CSMD1: variants seen among roughly 807,000 people sequenced by gnomAD.
CSMD1 encodes CUB and Sushi multiple domains 1.
A neutral mutation model predicts 417.5 loss-of-function variants in CSMD1; 213 were observed. That is an observed-to-expected ratio of 0.51 (90% CI 0.46 to 0.57). CSMD1 has a LOEUF of 0.57. CSMD1 is among the 20% of genes least tolerant of loss of function. The pLI, the probability that CSMD1 is intolerant of heterozygous loss-of-function variation, is 0.00. For missense variants in CSMD1, 6,923 were observed against 4,529.7 expected (o/e 1.53, Z -15.17); for synonymous variants, 2,862 against 1,736.8 (o/e 1.65, Z -16.11).
intron 11 of CSMD1, among the ~76,000 whole-genome samples, chr8:3,479,872 C>A (rs533434302): frequency 9.4e-4 from 142 of 151,218 alleles, no homozygotes; most frequent in African/African-American, 3.1e-3. Flanking sequence ...TGAAAAAAAA[C>A]GATAAATCTA....
At position 4,294,533 on chromosome 8, in the gene CSMD1, G is replaced by A. The variant is rs549805472; in HGVS notation, c.415+125420C>T. 1.2e-3 allele frequency among the ~76,000 whole-genome samples: 190 copies of A among 152,236 alleles called. 1 individual carries two copies. Among genetic ancestry groups the A allele is most frequent in the South Asian group, 2.7e-3 (13 of 4,828 alleles). Reference sequence around the variant, plus strand: ...ATGAGTTCCTCCACTTTGCAGATGAGCAAACACAAATCACTTGTCCATGGT... The same window carrying A: ...ATGAGTTCCTCCACTTTGCAGATGAACAAACACAAATCACTTGTCCATGGT... On this transcript the variant is annotated intron_variant, in intron 3 of 69. Transcript: ENST00000635120.
At chr8:2,959,299 C>T (rs992280141) in intron 62 of CSMD1, among the ~76,000 whole-genome samples, 2 of 148,382 alleles carry the variant, frequency 1.3e-5, no homozygotes, top group Admixed American at 6.6e-5. Flanking sequence ...GAAATAGGGT[C>T]TTGCTATGTT....
chr8:3,564,357 A>G (rs1221453923), intron 10 of CSMD1, among the ~76,000 whole-genome samples: 2 of 152,186 alleles, frequency 1.3e-5, no homozygotes, highest in Non-Finnish European at 2.9e-5. Flanking sequence ...GTGTCCATAA[A>G]TAACTCCTAC....
At chr8:4,001,201 T>C (rs1815644758) in intron 4 of CSMD1, among the ~76,000 whole-genome samples, 1 of 152,184 alleles carries the variant, frequency 6.6e-6, no homozygotes, top group African/African-American at 2.4e-5. Flanking sequence ...GTGTATAGAA[T>C]AAGAAGCTTA....
chr8:4,846,941 G>A (rs1801180644), intron 1 of CSMD1, among the ~76,000 whole-genome samples: 1 of 151,772 alleles, frequency 6.6e-6, no homozygotes, highest in Non-Finnish European at 1.5e-5. Flanking sequence ...CTATTCATTG[G>A]GAGAAAAAGA....
chr8:3,112,338 T>G (rs1816568288), intron 42 of CSMD1, among the ~76,000 whole-genome samples: 1 of 152,192 alleles, frequency 6.6e-6, no homozygotes, highest in South Asian at 2.1e-4. Context: ...GCATTTCTGC[T>G]TTTCTAGTTG....
intron 1 of CSMD1, among the ~76,000 whole-genome samples, chr8:4,791,764 G>C (rs76765036): frequency 2.6e-5 from 4 of 152,102 alleles, no homozygotes; most frequent in African/African-American, 4.8e-5. Flanking sequence ...CATTAGCATC[G>C]TGTGCTAAAC....
intron 49 of CSMD1, among the ~76,000 whole-genome samples, chr8:3,077,246 A>G (rs1563313180): frequency 6.6e-6 from 1 of 152,206 alleles, no homozygotes; most frequent in African/African-American, 2.4e-5. Context: ...AGCTGCACAA[A>G]TAGGAAATCA....
chr8:4,016,465 C>G (rs1392674358), intron 4 of CSMD1, among the ~76,000 whole-genome samples: 1 of 152,124 alleles, frequency 6.6e-6, no homozygotes, highest in African/African-American at 2.4e-5. Context: ...GGTCTCAGGC[C>G]TCTGCCCAAG....
chr8:4,795,028 G>A (rs374650645), intron 1 of CSMD1, among the ~76,000 whole-genome samples: 2 of 151,880 alleles, frequency 1.3e-5, no homozygotes, highest in African/African-American at 4.8e-5. Flanking sequence ...AGAAAGATGT[G>A]GGGGGTGGGT....
At chr8:4,089,407 G>T (rs940523748) in intron 3 of CSMD1, among the ~76,000 whole-genome samples, 2 of 152,024 alleles carry the variant, frequency 1.3e-5, no homozygotes, top group African/African-American at 4.8e-5. Context: ...TTAGTAAATG[G>T]TACATGGTTA....
intron 46 of CSMD1, among the ~76,000 whole-genome samples, chr8:3,099,910 G>T (rs1389973721): frequency 6.6e-6 from 1 of 152,094 alleles, no homozygotes. Context: ...TAGAGAATTT[G>T]TACCATTTTT....
chr8:3,839,352 T>C (rs1197975168), intron 5 of CSMD1, among the ~76,000 whole-genome samples: 2 of 120,176 alleles, frequency 1.7e-5, no homozygotes, highest in Admixed American at 1.1e-4. Flanking sequence ...TTAGAATATA[T>C]AATATTAATA....
intron 8 of CSMD1, among the ~76,000 whole-genome samples, chr8:3,615,977 T>A (rs1346339004): frequency 6.6e-6 from 1 of 152,304 alleles, no homozygotes; most frequent in South Asian, 2.1e-4. Flanking sequence ...AAAATCAGTA[T>A]CTAGTTCACC....
intron 23 of CSMD1, among the ~76,000 whole-genome samples, chr8:3,332,601 C>T (rs1443693558): frequency 6.6e-6 from 1 of 152,240 alleles, no homozygotes; most frequent in African/African-American, 2.4e-5. Context: ...TTTAAAAGTA[C>T]ATGTAAGCAA....
rs578207578 is a variant in CSMD1 at position 3,740,038 on chromosome 8, G to A, written c.931+13892C>T. Among the ~76,000 whole-genome samples, 10 of 152,236 alleles carry A rather than the reference G, an allele frequency of 6.6e-5. No homozygotes were observed. The East Asian group carries it at 1.2e-3, about 18-fold the overall frequency. ...CATTGAAATACCAATAAAATTCGTA[G>A]CCACTTACAATATGCTGTTTTTCAT... On this transcript the variant is annotated intron_variant, in intron 6 of 69. Coordinates refer to ENST00000635120, the MANE Select transcript of CSMD1 (RefSeq NM_033225.6).
intron 5 of CSMD1, among the ~76,000 whole-genome samples, chr8:3,943,601 G>C (rs905343720): frequency 6.6e-6 from 1 of 152,010 alleles, no homozygotes; most frequent in South Asian, 2.1e-4. Flanking sequence ...ATTTGAAATA[G>C]CTGGTAAACC....
intron 1 of CSMD1, among the ~76,000 whole-genome samples, chr8:4,854,370 G>C (rs759416263): frequency 2.6e-5 from 4 of 152,128 alleles, no homozygotes; most frequent in Admixed American, 2.6e-4. Context: ...AATTCTCAAA[G>C]GATTTGGTTG....
intron 1 of CSMD1, among the ~76,000 whole-genome samples, chr8:4,675,492 T>G (rs1563118866): frequency 6.6e-6 from 1 of 152,144 alleles, no homozygotes; most frequent in Non-Finnish European, 1.5e-5. Flanking sequence ...TAACAAGTCA[T>G]AAATCAAACC....
Sources: allele counts gnomAD v4.1 joint callset (sites outside exome capture counted in the v4.1 genomes callset), GRCh38; gene constraint gnomAD v4.1.1; transcripts MANE v1.5; gene names NCBI Gene and HGNC (gene_info 2026-07-23, HGNC 2026-07-21).